SNX29: variants seen among roughly 807,000 people sequenced by gnomAD.
SNX29 encodes the protein sorting nexin-29.
In SNX29, 78 loss-of-function variants were observed where a neutral mutation model predicts 102.1. The observed-to-expected ratio is 0.76, with a 90% CI of 0.64 to 0.92. The LOEUF (loss-of-function observed/expected upper bound fraction) is 0.92, where lower values mean the gene tolerates loss of function less well. Ranked by LOEUF, SNX29 falls within the 40% of genes least tolerant of loss-of-function variation. The pLI, the probability that SNX29 is intolerant of heterozygous loss-of-function variation, is 0.00. For synonymous variants in SNX29, 580 were observed against 414.5 expected (o/e 1.40, Z -4.85); for missense variants, 1,280 against 1,061.7 (o/e 1.21, Z -2.86).
At chr16:12,144,609 G>T (rs1003413870) in intron 13 of SNX29, among the ~76,000 whole-genome samples, 11 of 152,226 alleles carry the variant, frequency 7.2e-5, no homozygotes, top group Admixed American at 6.5e-5. Flanking sequence ...CCCCTTGATC[G>T]TGGACTTCCC....
At chr16:12,387,457 C>T (rs751946342) in intron 16 of SNX29, among the ~76,000 whole-genome samples, 1 of 150,040 alleles carries the variant, frequency 6.7e-6, no homozygotes, top group Non-Finnish European at 1.5e-5. Context: ...GCTGAGGGGA[C>T]GATGGCTCAG....
intron 10 of SNX29, among the ~76,000 whole-genome samples, chr16:12,073,551 G>A (rs1210094828): frequency 6.6e-6 from 1 of 152,016 alleles, no homozygotes; most frequent in Non-Finnish European, 1.5e-5. Flanking sequence ...TATAATTTCT[G>A]TTCTTTTACA....
chr16:12,005,338 T>C (rs2056418226), intron 3 of SNX29, among the ~76,000 whole-genome samples: 1 of 152,182 alleles, frequency 6.6e-6, no homozygotes, highest in South Asian at 2.1e-4. Flanking sequence ...GTCTAAGTCC[T>C]GTCCTAGTTG....
At chr16:12,394,318 A>T (rs1379441094) in intron 16 of SNX29, among the ~76,000 whole-genome samples, 1 of 152,182 alleles carries the variant, frequency 6.6e-6, no homozygotes, top group Non-Finnish European at 1.5e-5. Context: ...CGAAGAACGG[A>T]TACTTTGTAG....
At chr16:12,397,798 C>T (rs1463001272) in intron 16 of SNX29, among the ~76,000 whole-genome samples, 1 of 152,182 alleles carries the variant, frequency 6.6e-6, no homozygotes, top group African/African-American at 2.4e-5. Flanking sequence ...AGGTAGCTTA[C>T]TGGGGGTCAC....
chr16:12,375,506 A>C (rs1313180603), intron 16 of SNX29: 3 of 152,212 alleles, frequency 2.0e-5, no homozygotes, highest in African/African-American at 7.2e-5. Flanking sequence ...GTGACTGCAG[A>C]CACCTCAGGG....
At chr16:12,234,330 C>G (rs922120941) in intron 14 of SNX29, among the ~76,000 whole-genome samples, 5 of 152,172 alleles carry the variant, frequency 3.3e-5, no homozygotes, top group African/African-American at 4.8e-5. Context: ...TCTTTTCATT[C>G]TACAAATGGC....
chr16:12,283,499 T>C (rs1344949782), intron 15 of SNX29, among the ~76,000 whole-genome samples: 2 of 152,000 alleles, frequency 1.3e-5, no homozygotes, highest in African/African-American at 4.8e-5. Context: ...TTTGTATTTT[T>C]AGTAGAGATG....
chr16:12,404,637 T>C lies in SNX29; in HGVS notation c.2037+1108T>C, dbSNP rs937294728. Reference sequence around the variant, plus strand: ...AAATTGACTTATTGAAGAAATTTTCTTGTCTATTAAGATATTTTTCCCCAA... The same window carrying C: ...AAATTGACTTATTGAAGAAATTTTCCTGTCTATTAAGATATTTTTCCCCAA... On this transcript the variant is annotated intron_variant, in intron 18 of 20. Coordinates refer to ENST00000566228, the MANE Select transcript of SNX29 (RefSeq NM_032167.5). Among the ~76,000 whole-genome samples, 4 of 152,336 alleles carry C rather than the reference T, an allele frequency of 2.6e-5. No individual in the cohort carries two copies. In the East Asian group the frequency reaches 5.8e-4, roughly 22 times the overall value.
chr16:12,437,228 C>A (rs1312866852), intron 18 of SNX29, among the ~76,000 whole-genome samples: 2 of 152,230 alleles, frequency 1.3e-5, no homozygotes, highest in Non-Finnish European at 2.9e-5. Flanking sequence ...ATTTTTCATG[C>A]TTTCTCTCTC....
At position 12,566,460 on chromosome 16, in the gene SNX29, C is replaced by G. The variant is rs958585713; in HGVS notation, c.2319-2046C>G. Among the ~76,000 whole-genome samples the G allele has an allele frequency of 1.6e-4, 25 of 152,240 alleles. 1 individual carries two copies. The highest frequency in any genetic ancestry group is 6.0e-4 in the African/African-American group (25 of 41,470). On this transcript the variant is annotated intron_variant, in intron 20 of 20. Coordinates refer to ENST00000566228, the MANE Select transcript of SNX29 (RefSeq NM_032167.5). ...AAGCTCTGGTCATTGCAGGGCAGGG[C>G]TCATCCTGGCTGTGCTGAATGATGA...
At chr16:12,140,270 G>A (rs1597024312) in intron 13 of SNX29, among the ~76,000 whole-genome samples, 1 of 152,146 alleles carries the variant, frequency 6.6e-6, no homozygotes, top group East Asian at 1.9e-4. Context: ...GGCCCCCAGG[G>A]GCCCCAGCCT....
chr16:12,061,383 T>G, intron 8 of SNX29, 145 bp from the exon 9 acceptor site: 3 of 644,292 alleles, frequency 4.7e-6, no homozygotes, highest in Non-Finnish European at 8.1e-6. Flanking sequence ...GACTCCACGC[T>G]CTACCTCCCA....
At position 12,179,400 on chromosome 16, in the gene SNX29, G is replaced by A. The variant is rs117692545; in HGVS notation, c.1596-20201G>A. On this transcript the variant is annotated intron_variant, in intron 13 of 20. Coordinates refer to ENST00000566228, the MANE Select transcript of SNX29 (RefSeq NM_032167.5). ...CTCGGGAGGCCGAGGCAAGAGGATC[G>A]CCTGAGCCCAGGAGTTGGAGGCTGA... Among the ~76,000 whole-genome samples, 237 of 152,364 alleles carry A rather than the reference G, an allele frequency of 1.6e-3. 2 individuals carry two copies. The East Asian group carries it at 0.032, about 20-fold the overall frequency.
intron 13 of SNX29, among the ~76,000 whole-genome samples, chr16:12,198,203 A>T (rs1224686844): frequency 6.6e-6 from 1 of 152,204 alleles, no homozygotes; most frequent in African/African-American, 2.4e-5. Context: ...GGTTTTTGCC[A>T]TTGGTTACCA....
intron 15 of SNX29, among the ~76,000 whole-genome samples, chr16:12,289,330 C>T (rs1253013602): frequency 6.6e-6 from 1 of 152,230 alleles, no homozygotes; most frequent in Admixed American, 6.5e-5. Context: ...CCCTTGGCCT[C>T]TCAGTTACTG....
chr16:12,160,391 G>A (rs973208124), intron 13 of SNX29, among the ~76,000 whole-genome samples: 3 of 152,212 alleles, frequency 2.0e-5, no homozygotes, highest in Non-Finnish European at 4.4e-5. Flanking sequence ...TATGTGCTCT[G>A]CCAATTAGCC....
intron 18 of SNX29, among the ~76,000 whole-genome samples, chr16:12,467,009 C>G (rs1314937188): frequency 6.6e-6 from 1 of 152,158 alleles, no homozygotes; most frequent in Non-Finnish European, 1.5e-5. Context: ...CAAGAGTGCC[C>G]ACCTTTTCCC....
At chr16:12,234,262 A>G (rs966700845) in intron 14 of SNX29, among the ~76,000 whole-genome samples, 10 of 152,126 alleles carry the variant, frequency 6.6e-5, no homozygotes, top group Non-Finnish European at 1.5e-4. Flanking sequence ...TGGCACCTTC[A>G]CGTTTGCAAA....
Sources: gnomAD v4.1 joint callset for allele counts (sites outside exome capture counted in the v4.1 genomes callset) on GRCh38, gnomAD v4.1.1 for gene constraint, MANE v1.5 for transcripts, NCBI Gene and HGNC (gene_info 2026-07-23, HGNC 2026-07-21) for gene names.